The following RITA1 variants were observed in gnomAD, a reference collection of about 807,000 sequenced individuals.
RITA1 encodes the protein RBPJ-interacting and tubulin-associated protein 1.
A neutral mutation model predicts 8.7 loss-of-function variants in RITA1; 15 were observed. That is an observed-to-expected ratio of 1.72 (90% CI 1.15 to 2.65). RITA1 has a LOEUF of 2.65. Among genes scored for constraint, RITA1 ranks in the 30% most tolerant of loss-of-function variants. The pLI, the probability that RITA1 is intolerant of heterozygous loss-of-function variation, is 0.00. For synonymous variants in RITA1, 145 were observed against 156.2 expected (o/e 0.93, Z 0.53); for missense variants, 330 against 363.8 (o/e 0.91, Z 0.76).
chr12:113,186,068 C>A (rs1013032872), intron 1 of RITA1, 47 bp downstream of exon 1: 30 of 1,535,734 alleles, frequency 2.0e-5, no homozygotes, highest in Non-Finnish European at 2.1e-5. Flanking sequence ...ACTTTTTAAT[C>A]GGGTCATTGA....
rs1220009378 is a variant in RITA1, at chr12:113,191,535, A to G, written c.528A>G (p.Pro176=). The part of the protein sequence containing the change: ...PAGPSKTEPG[P]AADSQKLSMG... ...GTCCCTCCAAGACAGAGCCGGGGCC[A>G]GCGGCAGACTCCCAGAAGTTATCTA... Residue 176 remains proline, a synonymous_variant, in exon 4 of 4, where the codon CCA becomes CCG. Coordinates refer to ENST00000548278, the MANE Select transcript of RITA1 (RefSeq NM_032848.3). The surrounding 1 kb of genome is among the most constrained non-coding windows in gnomAD (Gnocchi z 4.0). The G allele has an allele frequency of 6.2e-7, 1 of 1,612,922 alleles. No individual in the cohort carries two copies. The highest frequency in any genetic ancestry group is 2.2e-5 in the East Asian group (1 of 44,850).
chr12:113,186,385 C>G (rs2136332562), intron 2 of RITA1, 69 bp downstream of exon 2: 2 of 1,368,086 alleles, frequency 1.5e-6, no homozygotes, highest in East Asian at 2.8e-5. Flanking sequence ...AAGTGCCTGT[C>G]TCCCCTACCA....
Position 113,185,929 on chromosome 12 carries a change from C to T in RITA1, c.-289C>T. 1 of 1,510,850 alleles carries T rather than the reference C, an allele frequency of 6.6e-7. No homozygotes were observed. The highest frequency in any genetic ancestry group is 1.2e-5 in the South Asian group (1 of 83,300). The allele number at this position is 1,510,850 out of a possible 1,614,324, so 93.6% of individuals were successfully genotyped here. A position where few individuals can be genotyped will look rare whatever the true frequency, so the allele number is the denominator to read the frequency against. On this transcript the variant is annotated 5_prime_UTR_variant, in exon 1 of 4. Coordinates refer to ENST00000548278, the MANE Select transcript of RITA1 (RefSeq NM_032848.3). ...GGGGATCCCGGATGCACCGCGCGCC[C>T]CCGCGCCCTCACCGACGGGTCCAGA...
intron 3 of RITA1, among the ~76,000 whole-genome samples, chr12:113,190,612 A>C (rs1359088908): frequency 1.3e-5 from 2 of 152,204 alleles, no homozygotes; most frequent in African/African-American, 2.4e-5. Flanking sequence ...CTGTGCCACT[A>C]CACTCCACTT....
intron 3 of RITA1, among the ~76,000 whole-genome samples, chr12:113,190,909 A>C (rs936652179): frequency 7.9e-5 from 12 of 152,216 alleles, no homozygotes; most frequent in Non-Finnish European, 1.6e-4. Flanking sequence ...AGCAAGAAGT[A>C]AAGTCAGGTG....
chr12:113,188,320 C>T (rs1022075270), intron 3 of RITA1, among the ~76,000 whole-genome samples: 3 of 151,574 alleles, frequency 2.0e-5, no homozygotes, highest in South Asian at 4.2e-4. Flanking sequence ...CAGGTTCAAG[C>T]GATTCTCCTG....
In RITA1 at chr12:113,185,972, G is replaced by GC. The variant is rs894371694; in HGVS notation, c.-245dup. The GC allele has an allele frequency of 6.5e-6, 10 of 1,535,688 alleles. No individual in the cohort carries two copies. The highest frequency in any genetic ancestry group is 8.7e-6 in the Non-Finnish European group (10 of 1,146,560). ...GGTCCAGACCTGGTGGGAAGAAGGT[G>GC]CGGGGACGGGTCCCTGAGGATCCCG... On this transcript the variant is annotated 5_prime_UTR_variant, in exon 1 of 4. It removes the in-frame stop codon of an upstream open reading frame in the 5' UTR. Transcript: ENST00000548278.
chr12:113,188,511 C>T (rs1952561800), intron 3 of RITA1, among the ~76,000 whole-genome samples: 1 of 152,040 alleles, frequency 6.6e-6, no homozygotes, highest in African/African-American at 2.4e-5. Flanking sequence ...CTGGCCACAA[C>T]ACAAATTTAT....
chr12:113,186,395 A>G, intron 2 of RITA1, 79 bp downstream of exon 2: 1 of 1,372,830 alleles, frequency 7.3e-7, no homozygotes, highest in Non-Finnish European at 9.4e-7. Context: ...CTCCCCTACC[A>G]CCATAGTGTG....
At position 113,186,699 on chromosome 12, in the gene RITA1, G is replaced by A. The variant is rs1477704086; in HGVS notation, c.-48G>A. On this transcript the variant is annotated 5_prime_UTR_variant, in exon 3 of 4. Coordinates refer to ENST00000548278, the MANE Select transcript of RITA1 (RefSeq NM_032848.3). ...CTCTCACAGGGAGCCTCGGAAGCAG[G>A]GCCTGGCCGGCAGAGCACACCTGCT... 3 of 1,598,896 alleles carry A rather than the reference G, an allele frequency of 1.9e-6. No individual in the cohort carries two copies. The highest frequency in any genetic ancestry group is 2.6e-6 in the Non-Finnish European group (3 of 1,169,314).
rs1952529234 is a variant in RITA1, at chr12:113,185,838, G to C, written c.-380G>C. On this transcript the variant is annotated 5_prime_UTR_variant, in exon 1 of 4. Transcript: ENST00000548278. ...TCCTCGGGTGAGTCCGTCCGCGCGC[G>C]GTGCCCCGGGACGGCCTAGGCTGCC... The C allele has an allele frequency of 1.3e-6, 1 of 796,230 alleles. No individual in the cohort carries two copies. The highest frequency in any genetic ancestry group is 1.9e-6 in the Non-Finnish European group (1 of 517,264). 49.3% of individuals were successfully genotyped at this position (796,230 alleles called of 1,614,324 possible).
chr12:113,186,096 G>A (rs1952533193), intron 1 of RITA1, 75 bp downstream of exon 1: 3 of 1,530,244 alleles, frequency 2.0e-6, no homozygotes, highest in African/African-American at 1.4e-5. Context: ...GTCGCAGAAT[G>A]TGGGGCGGTG....
rs1285472694 is a variant in RITA1, at chr12:113,191,887, T to G, written c.*70T>G. On this transcript the variant is annotated 3_prime_UTR_variant, in exon 4 of 4. Transcript: ENST00000548278. The surrounding 1 kb of genome is among the most constrained non-coding windows in gnomAD (Gnocchi z 4.0). ...GGCCCCTTGCCAGGGTAGGAGGACA[T>G]TCATCACCCAGGGAACCCCAGGTAT... 5 of 1,510,896 alleles carry G rather than the reference T, an allele frequency of 3.3e-6. No homozygotes were observed. The East Asian group carries it at 1.1e-4, about 34-fold the overall frequency. 93.6% of individuals were successfully genotyped at this position (1,510,896 alleles called of 1,614,324 possible). A position where few individuals can be genotyped will look rare whatever the true frequency, so the allele number is the denominator to read the frequency against.
At position 113,191,771 on chromosome 12, in the gene RITA1, C is replaced by T; in HGVS notation, c.764C>T (p.Pro255Leu). Residue 255 changes from proline to leucine, a missense_variant, in exon 4 of 4, where the codon CCA (proline) becomes CTA (leucine). Coordinates refer to ENST00000548278, the MANE Select transcript of RITA1 (RefSeq NM_032848.3). This position sits in a 1 kb window ranked among gnomAD's most constrained non-coding sequence, Gnocchi z 4.0. ...GTTAGCATTTCAGTGCCATCTACCC[C>T]ACGACGAGGTGGGGCCACCCAGAAA... ...RSVSISVPSTPRRGGATQKPK... is the reference protein window; with the variant it reads ...RSVSISVPSTLRRGGATQKPK... 6.2e-7 allele frequency: 1 copy of T among 1,612,502 alleles called. No individual in the cohort carries two copies. Among genetic ancestry groups the T allele is most frequent in the Non-Finnish European group, 8.5e-7 (1 of 1,179,192 alleles).
rs368572827 is a variant in RITA1, at chr12:113,191,519, A to C, written c.512A>C (p.Lys171Thr). The C allele has an allele frequency of 6.2e-7, 1 of 1,612,300 alleles. No homozygotes were observed. The highest frequency in any genetic ancestry group is 8.5e-7 in the Non-Finnish European group (1 of 1,178,694). Residue 171 changes from lysine to threonine, a missense_variant, in exon 4 of 4, where the codon AAG becomes ACG. Lys to Thr is a moderately conservative substitution (Grantham distance 78, BLOSUM62 -1). Coordinates refer to ENST00000548278, the MANE Select transcript of RITA1 (RefSeq NM_032848.3). This position sits in a 1 kb window ranked among gnomAD's most constrained non-coding sequence, Gnocchi z 4.0. ...LRAIHPAGPS[K>T]TEPGPAADSQ... ...GCCATTCACCCAGCTGGTCCCTCCA[A>C]GACAGAGCCGGGGCCAGCGGCAGAC...
At position 113,186,239 on chromosome 12, in the gene RITA1, A is replaced by G. The variant is rs1806924946; in HGVS notation, c.-142A>G. On this transcript the variant is annotated 5_prime_UTR_variant, in exon 2 of 4. An upstream start codon of the reference 5' UTR is lost. Transcript: ENST00000548278. ...TCACCTCAGTTTTGTGATCCGTAAA[A>G]TGGACAAATTCGAAGCTACTTCACA... 7.2e-7 allele frequency: 1 copy of G among 1,395,854 alleles called. No homozygotes were observed. The highest frequency in any genetic ancestry group is 1.4e-5 in the African/African-American group (1 of 69,068). The allele number at this position is 1,395,854 out of a possible 1,614,324, so 86.5% of individuals were successfully genotyped here. A position where few individuals can be genotyped will look rare whatever the true frequency, so the allele number is the denominator to read the frequency against.
At position 113,191,714 on chromosome 12, in the gene RITA1, G is replaced by A. The variant is rs748633766; in HGVS notation, c.707G>A (p.Arg236Gln). ...CCTTCCACGTCAGGGGTGACCTTCC[G>A]GAGCCCCCTGGTGACTTCCAGGGCT... ...LRPSTSGVTF[R>Q]SPLVTSRARS... The change falls in exon 4 of 4, where the codon CGG (arginine) becomes CAG (glutamine). Residue 236 changes from arginine to glutamine, a missense_variant. Physicochemically the swap from Arg to Gln is conservative, Grantham distance 43. Coordinates refer to ENST00000548278, the MANE Select transcript of RITA1 (RefSeq NM_032848.3). The surrounding 1 kb of genome is among the most constrained non-coding windows in gnomAD (Gnocchi z 4.0). 8 of 1,613,936 alleles carry A rather than the reference G, an allele frequency of 5.0e-6. 1 individual carries two copies. Among genetic ancestry groups the A allele is most frequent in the Middle Eastern group, 1.6e-4 (1 of 6,082 alleles).
At position 113,191,991 on chromosome 12, in the gene RITA1, T is replaced by G. The variant is rs1279763127; in HGVS notation, c.*174T>G. The G allele has an allele frequency of 9.5e-6, 8 of 843,216 alleles. No individual in the cohort carries two copies. Among genetic ancestry groups the G allele is most frequent in the Non-Finnish European group, 1.4e-5 (8 of 570,398 alleles). The allele number at this position is 843,216 out of a possible 1,614,324, so 52.2% of individuals were successfully genotyped here. ...CTTTATCCTGACAATCTCTAGTCGA[T>G]TCTTGCCTTTTTCTCCCGATTGCGG... On this transcript the variant is annotated 3_prime_UTR_variant, in exon 4 of 4. Coordinates refer to ENST00000548278, the MANE Select transcript of RITA1 (RefSeq NM_032848.3). This position sits in a 1 kb window ranked among gnomAD's most constrained non-coding sequence, Gnocchi z 4.0.
At chr12:113,187,499 G>T (rs1454603051) in intron 3 of RITA1, among the ~76,000 whole-genome samples, 2 of 152,186 alleles carry the variant, frequency 1.3e-5, no homozygotes, top group African/African-American at 4.8e-5. Context: ...GGTAGCTCAT[G>T]CCTGTAATCC....
Sources: allele counts gnomAD v4.1 joint callset (sites outside exome capture counted in the v4.1 genomes callset), GRCh38; gene constraint gnomAD v4.1.1; non-coding constraint Gnocchi (gnomAD v3.1); transcripts MANE v1.5; gene names NCBI Gene and HGNC (gene_info 2026-07-23, HGNC 2026-07-21).